The following SORCS3 variants were observed in gnomAD, a reference collection of about 807,000 sequenced individuals.
SORCS3 encodes the protein VPS10 domain-containing receptor SorCS3.
Under a neutral mutation model 146.3 loss-of-function variants are expected in SORCS3, and 57 were observed. The ratio of observed to expected loss-of-function variants is 0.39; its 90% CI spans 0.31 to 0.49. The LOEUF is 0.49. Among genes scored for constraint, SORCS3 ranks in the 20% least tolerant of loss-of-function variants. The probability of loss-of-function intolerance (pLI) is 0.92; values close to 1 mark genes in which losing one functional copy is unlikely to be tolerated. For synonymous variants in SORCS3, 653 were observed against 618.5 expected (o/e 1.06, Z -0.83); for missense variants, 1,341 against 1,575.5 (o/e 0.85, Z 2.52).
chr10:104,722,779 G>A lies in SORCS3; in HGVS notation c.627+80825G>A, dbSNP rs192565578. The stretch of plus-strand genomic sequence containing the variant: ...GTTTATTTGCATAGAGGTGTTTATA[G>A]TATTCTCTGATGGTAGTTTGTATTT... On this transcript the variant is annotated intron_variant, in intron 1 of 26. Coordinates refer to ENST00000369701, the MANE Select transcript of SORCS3 (RefSeq NM_014978.3). 5.9e-5 allele frequency among the ~76,000 whole-genome samples: 9 copies of A among 152,320 alleles called. 1 individual carries two copies. The highest frequency in any genetic ancestry group is 5.9e-4 in the Admixed American group (9 of 15,306).
intron 4 of SORCS3, among the ~76,000 whole-genome samples, chr10:105,018,987 C>T (rs1432323101): frequency 6.6e-6 from 1 of 152,104 alleles, no homozygotes; most frequent in Non-Finnish European, 1.5e-5. Flanking sequence ...CTTCCTTGTC[C>T]TCCATGTTGA....
At chr10:105,024,308 T>C (rs914070319) in intron 4 of SORCS3, among the ~76,000 whole-genome samples, 1 of 152,188 alleles carries the variant, frequency 6.6e-6, no homozygotes, top group Non-Finnish European at 1.5e-5. Context: ...CTCTTTTTTT[T>C]GTTGTTGTTT....
intron 1 of SORCS3, among the ~76,000 whole-genome samples, chr10:104,827,413 G>A (rs1023723092): frequency 5.3e-5 from 8 of 152,126 alleles, no homozygotes; most frequent in Non-Finnish European, 1.2e-4. Context: ...CATCTCCATC[G>A]TAGATCTTGG....
chr10:105,042,303 T>TA (rs2055343308), intron 4 of SORCS3, among the ~76,000 whole-genome samples: 1 of 152,252 alleles, frequency 6.6e-6, no homozygotes, highest in Non-Finnish European at 1.5e-5. Flanking sequence ...TTTAAGTTAG[T>TA]AATAACTGTC....
At chr10:104,765,701 A>G in intron 1 of SORCS3, among the ~76,000 whole-genome samples, 1 of 152,230 alleles carries the variant, frequency 6.6e-6, no homozygotes, top group Non-Finnish European at 1.5e-5. Flanking sequence ...TTTATTTAAT[A>G]AAAACTCCCA....
intron 14 of SORCS3, among the ~76,000 whole-genome samples, chr10:105,189,092 T>A (rs7076827): frequency 0.33 from 50,576 of 152,140 alleles, 8,531 homozygotes; most frequent in South Asian, 0.48. Context: ...GAATGTAGGG[T>A]AACCCCTGGA....
chr10:104,658,484 A>G (rs753787366), intron 1 of SORCS3, among the ~76,000 whole-genome samples: 1 of 152,212 alleles, frequency 6.6e-6, no homozygotes, highest in South Asian at 2.1e-4. Context: ...AGGCTGGAGT[A>G]TGCAATGGCA....
At chr10:105,068,425 G>C (rs1003346271) in intron 5 of SORCS3, among the ~76,000 whole-genome samples, 6 of 152,020 alleles carry the variant, frequency 3.9e-5, no homozygotes, top group African/African-American at 1.5e-4. Context: ...CTTTTTCCCT[G>C]TTGGCACTTC....
At chr10:105,217,954 A>G (rs1159890555) in intron 19 of SORCS3, 1 of 448,362 alleles carries the variant, frequency 2.2e-6, no homozygotes, top group East Asian at 7.0e-5. Context: ...CATACCCCAC[A>G]AGAGTTTCCA....
chr10:105,242,767 ATT>A (rs1305568704), intron 20 of SORCS3, among the ~76,000 whole-genome samples: 5 of 101,624 alleles, frequency 4.9e-5, no homozygotes, highest in Non-Finnish European at 8.6e-5. Context: ...TATTTTATAT[ATT>A]TTATATATTT....
intron 1 of SORCS3, among the ~76,000 whole-genome samples, chr10:104,754,873 C>G (rs2017030116): frequency 6.6e-6 from 1 of 152,276 alleles, no homozygotes; most frequent in Non-Finnish European, 1.5e-5. Flanking sequence ...CAATTTGAAC[C>G]CTAGAATTAC....
At chr10:105,066,485 C>T (rs1020620870) in intron 5 of SORCS3, among the ~76,000 whole-genome samples, 6 of 152,132 alleles carry the variant, frequency 3.9e-5, no homozygotes, top group African/African-American at 1.4e-4. Context: ...TTTTTCCTTG[C>T]CAGGAGCAGA....
At chr10:105,056,933 C>T (rs773947490) in intron 5 of SORCS3, among the ~76,000 whole-genome samples, 1 of 152,104 alleles carries the variant, frequency 6.6e-6, no homozygotes, top group Admixed American at 6.6e-5. Context: ...TATTTTACAT[C>T]TTTTAAAAAA....
intron 2 of SORCS3, among the ~76,000 whole-genome samples, chr10:104,860,670 C>A (rs1049399316): frequency 6.6e-6 from 1 of 152,114 alleles, no homozygotes; most frequent in African/African-American, 2.4e-5. Context: ...GGACAATGAT[C>A]GAAGTGCTTT....
chr10:105,247,409 A>T (rs1016664676), intron 22 of SORCS3, 78 bp downstream of exon 22: 2 of 754,658 alleles, frequency 2.7e-6, no homozygotes, highest in South Asian at 3.6e-5. Context: ...ATACATTGGC[A>T]TGGATTGAAA....
intron 1 of SORCS3, among the ~76,000 whole-genome samples, chr10:104,833,804 C>G (rs1022606194): frequency 2.0e-5 from 3 of 152,194 alleles, no homozygotes; most frequent in African/African-American, 7.2e-5. Context: ...AAACTCTCTT[C>G]TCTGAACCCC....
At chr10:104,913,766 C>CT (rs35484660) in intron 2 of SORCS3, among the ~76,000 whole-genome samples, 30,889 of 106,344 alleles carry the variant, frequency 0.29, 5,390 homozygotes, top group African/African-American at 0.48. Flanking sequence ...TATCCCCATT[C>CT]TTTTTTTTTT....
At chr10:105,002,506 A>G (rs536489248) in intron 4 of SORCS3, among the ~76,000 whole-genome samples, 14 of 152,234 alleles carry the variant, frequency 9.2e-5, no homozygotes, top group Admixed American at 2.0e-4. Flanking sequence ...TGAATAAGGT[A>G]GTGAAGAGGT....
intron 1 of SORCS3, among the ~76,000 whole-genome samples, chr10:104,781,422 C>A (rs976374847): frequency 3.3e-5 from 5 of 152,174 alleles, no homozygotes; most frequent in African/African-American, 1.2e-4. Flanking sequence ...CATCAATCAC[C>A]TCCTTTGATT....
Sources: allele counts gnomAD v4.1 joint callset (sites outside exome capture counted in the v4.1 genomes callset), GRCh38; gene constraint gnomAD v4.1.1; transcripts MANE v1.5; gene names NCBI Gene and HGNC (gene_info 2026-07-23, HGNC 2026-07-21).